Variants in THSD7B observed in about 807,000 individuals in gnomAD.
THSD7B encodes thrombospondin type 1 domain containing 7B, also known as thrombospondin type-1 domain-containing protein 7B.
In THSD7B, 138 loss-of-function variants were observed where a neutral mutation model predicts 213.6. The observed-to-expected ratio is 0.65, with a 90% CI of 0.56 to 0.74. The LOEUF is 0.74. THSD7B is among the 30% of genes least tolerant of loss of function. The probability of loss-of-function intolerance (pLI) is 0.00; values close to 1 mark genes in which losing one functional copy is unlikely to be tolerated. For synonymous variants in THSD7B, 742 were observed against 687.0 expected, an observed-to-expected ratio of 1.08 and a Z score of -1.25; for missense variants, 1,931 against 1,991.5, an observed-to-expected ratio of 0.97 and a Z score of 0.58.
intron 9 of THSD7B, among the ~76,000 whole-genome samples, chr2:137,238,534 C>CTGTTTTTT (rs1681820063): frequency 1.9e-5 from 1 of 51,846 alleles, no homozygotes; most frequent in Non-Finnish European, 3.5e-5. Flanking sequence ...ACTCATCTTT[C>CTGTTTTTT]TTTTTTTTTT....
intron 15 of THSD7B, among the ~76,000 whole-genome samples, chr2:137,486,095 C>T (rs1470238151): frequency 6.6e-6 from 1 of 152,130 alleles, no homozygotes; most frequent in African/African-American, 2.4e-5. Context: ...AACTAACAAG[C>T]AAAATAACCA....
intron 24 of THSD7B, among the ~76,000 whole-genome samples, chr2:137,657,913 A>G (rs1270070721): frequency 6.6e-6 from 1 of 151,964 alleles, no homozygotes; most frequent in Non-Finnish European, 1.5e-5. Context: ...GGGTTTCACC[A>G]TGTTGGCCAG....
intron 5 of THSD7B, among the ~76,000 whole-genome samples, chr2:137,147,135 G>T (rs1223424493): frequency 1.3e-5 from 2 of 152,274 alleles, no homozygotes; most frequent in African/African-American, 2.4e-5. Context: ...GTTTAGACAG[G>T]TTGGAAGCTA....
intron 2 of THSD7B, chr2:136,990,842 T>G: frequency 7.7e-7 from 1 of 1,306,462 alleles, no homozygotes; most frequent in Non-Finnish European, 1.0e-6. Flanking sequence ...ACTGAGCATT[T>G]TCACAAATTA....
At chr2:136,834,191 G>A (rs1164063161) in intron 1 of THSD7B, among the ~76,000 whole-genome samples, 2 of 152,192 alleles carry the variant, frequency 1.3e-5, no homozygotes, top group Non-Finnish European at 2.9e-5. Flanking sequence ...TACACTAGAG[G>A]CCAGAGAGGA....
At chr2:137,087,091 G>T (rs1053007358) in intron 3 of THSD7B, among the ~76,000 whole-genome samples, 5 of 151,978 alleles carry the variant, frequency 3.3e-5, no homozygotes, top group Admixed American at 3.3e-4. Context: ...TATCTGCATG[G>T]TCAACATGGG....
chr2:137,286,113 AG>A (rs1460363792), intron 12 of THSD7B, among the ~76,000 whole-genome samples: 1 of 151,558 alleles, frequency 6.6e-6, no homozygotes, highest in African/African-American at 2.4e-5. Flanking sequence ...AAAAAAAAAA[AG>A]ATTTATATCA....
chr2:136,982,481 C>T (rs1685599828), intron 2 of THSD7B, among the ~76,000 whole-genome samples: 1 of 152,128 alleles, frequency 6.6e-6, no homozygotes, highest in Admixed American at 6.5e-5. Context: ...TAAAAATGTA[C>T]TTCTCATTCT....
chr2:137,275,135 A>G (rs1400597416), intron 11 of THSD7B, among the ~76,000 whole-genome samples: 1 of 152,130 alleles, frequency 6.6e-6, no homozygotes, highest in Non-Finnish European at 1.5e-5. Context: ...CCTGTGAGTC[A>G]TAAAAATAGA....
intron 1 of THSD7B, among the ~76,000 whole-genome samples, chr2:136,809,198 C>T (rs944370697): frequency 1.2e-4 from 18 of 152,018 alleles, no homozygotes; most frequent in African/African-American, 3.9e-4. Context: ...CTGGAGAACA[C>T]GAGTTGGCAG....
chr2:136,904,924 A>T (rs1208862819), intron 2 of THSD7B, among the ~76,000 whole-genome samples: 1 of 152,254 alleles, frequency 6.6e-6, no homozygotes, highest in African/African-American at 2.4e-5. Flanking sequence ...GGGATTCCAC[A>T]GACTCATACA....
chr2:137,254,742 T>C (rs1682265007), intron 10 of THSD7B, among the ~76,000 whole-genome samples: 1 of 152,186 alleles, frequency 6.6e-6, no homozygotes, highest in Admixed American at 6.5e-5. Flanking sequence ...TTGCTCAATA[T>C]GTGATAATTT....
At chr2:137,428,534 A>C (rs1385373505) in intron 14 of THSD7B, among the ~76,000 whole-genome samples, 2 of 152,156 alleles carry the variant, frequency 1.3e-5, no homozygotes, top group Admixed American at 6.6e-5. Context: ...AGTGAAAACA[A>C]CCCAATTTTT....
At position 137,570,114 on chromosome 2, in the gene THSD7B, C is replaced by A. The variant is rs189226116; in HGVS notation, c.3273-2292C>A. On this transcript the variant is annotated intron_variant, in intron 16 of 27. Transcript: ENST00000409968. ...ATTAAAGTCCATAGTTATTAAAGTC[C>A]ATAGAATTAAAGTCCCTATATTAGA... 1.4e-3 allele frequency among the ~76,000 whole-genome samples: 220 copies of A among 151,752 alleles called. 1 individual carries two copies. The highest frequency in any genetic ancestry group is 6.8e-3 in the Admixed American group (103 of 15,242).
intron 12 of THSD7B, among the ~76,000 whole-genome samples, chr2:137,390,266 T>C (rs1041136330): frequency 2.6e-5 from 4 of 152,118 alleles, no homozygotes; most frequent in African/African-American, 7.2e-5. Context: ...TTCACCTCCT[T>C]GGTTAAATTT....
In THSD7B at chr2:137,164,346, G is replaced by A. The variant is rs145226431; in HGVS notation, c.1525+3978G>A. ...CACAATGAGATACCATCTCACGCCA[G>A]TTAGAATGGCGATCATTAAAAAGTC... On this transcript the variant is annotated intron_variant, in intron 6 of 27. Transcript: ENST00000409968. Among the ~76,000 whole-genome samples the A allele has an allele frequency of 8.7e-3, 1,331 of 152,288 alleles. 22 individuals carry two copies. The highest frequency in any genetic ancestry group is 0.03 in the African/African-American group (1,257 of 41,546).
At chr2:137,295,915 A>G (rs1683451388) in intron 12 of THSD7B, among the ~76,000 whole-genome samples, 1 of 152,166 alleles carries the variant, frequency 6.6e-6, no homozygotes, top group Non-Finnish European at 1.5e-5. Context: ...TAGGCTTTGC[A>G]AATCCATATC....
intron 1 of THSD7B, among the ~76,000 whole-genome samples, chr2:136,767,498 G>A (rs559983908): frequency 1.3e-3 from 189 of 150,486 alleles, no homozygotes; most frequent in African/African-American, 4.4e-3. Flanking sequence ...ATTTGTGTGT[G>A]TGTGTTTTCT....
Position 137,533,091 on chromosome 2 carries a change from T to C in THSD7B, c.3139-30130T>C, listed in dbSNP as rs190728089. On this transcript the variant is annotated intron_variant, in intron 15 of 27. Coordinates refer to ENST00000409968, the MANE Select transcript of THSD7B (RefSeq NM_001316349.2). ...ATATGCATAATGAAATAATATATTT[T>C]CTTAACAATGTAGCTTAGAAATATT... is the stretch of plus-strand genomic sequence containing the variant. 1.7e-3 allele frequency among the ~76,000 whole-genome samples: 263 copies of C among 151,670 alleles called. 1 individual carries two copies. Among genetic ancestry groups the C allele is most frequent in the South Asian group, 2.3e-3 (11 of 4,824 alleles).
Sources: allele counts gnomAD v4.1 joint callset (sites outside exome capture counted in the v4.1 genomes callset), GRCh38; gene constraint gnomAD v4.1.1; transcripts MANE v1.5; gene names NCBI Gene and HGNC (gene_info 2026-07-23, HGNC 2026-07-21).